The following HS3ST4 variants were observed in gnomAD, a reference collection of about 807,000 sequenced individuals.
HS3ST4 encodes heparan sulfate glucosamine 3-O-sulfotransferase 4.
In HS3ST4, 17 loss-of-function variants were observed where a neutral mutation model predicts 29.2. That is an observed-to-expected ratio of 0.58 (90% confidence interval 0.40 to 0.87). The LOEUF (loss-of-function observed/expected upper bound fraction) is 0.87. Among genes scored for constraint, HS3ST4 ranks in the 40% least tolerant of loss-of-function variants. The probability of loss-of-function intolerance (pLI) is 0.00; values close to 1 mark genes in which losing one functional copy is unlikely to be tolerated. For synonymous variants in HS3ST4, 314 were observed against 285.7 expected (o/e 1.10, Z -1.00); for missense variants, 627 against 634.5 (o/e 0.99, Z 0.13).
intron 1 of HS3ST4, among the ~76,000 whole-genome samples, chr16:25,879,287 C>A (rs1454216768): frequency 6.6e-6 from 1 of 152,138 alleles, no homozygotes; most frequent in Non-Finnish European, 1.5e-5. Flanking sequence ...TCACTTAATC[C>A]TTTCAACAAA....
At position 25,692,457 on chromosome 16, in the gene HS3ST4, C is replaced by T; in HGVS notation, c.40C>T (p.Pro14Ser). ...CGCACCTCCTCCGCCTCCGCCTCCGCCTCCACCTCTGGCCGCGCCGCCGCC... is the reference window on the plus strand; with the variant it reads ...CGCACCTCCTCCGCCTCCGCCTCCGTCTCCACCTCTGGCCGCGCCGCCGCC... ...WPAPPPPPPP[P>S]PPLAAPPPPG... Residue 14 changes from proline (P) to serine (S), a missense_variant, in exon 1 of 2, where the codon CCT becomes TCT. Around this residue, in one of 2 missense-constraint regions of HS3ST4, gnomAD observed 402 missense variants for 340.8 expected, o/e 1.18. Coordinates refer to ENST00000331351, the MANE Select transcript of HS3ST4 (RefSeq NM_006040.3). 4.5e-6 allele frequency: 6 copies of T among 1,328,790 alleles called. No homozygotes were observed. The highest frequency in any genetic ancestry group is 5.8e-6 in the Non-Finnish European group (6 of 1,026,696). The allele number at this position is 1,328,790 out of a possible 1,614,324, so 82.3% of individuals were successfully genotyped here. A position where few individuals can be genotyped will look rare whatever the true frequency, so the allele number is the denominator to read the frequency against.
chr16:25,762,720 A>G (rs1056533674), intron 1 of HS3ST4, among the ~76,000 whole-genome samples: 2 of 151,128 alleles, frequency 1.3e-5, no homozygotes, highest in African/African-American at 4.9e-5. Context: ...AAACAAACAA[A>G]CAAACAAACA....
chr16:25,733,125 G>C (rs1329572275), intron 1 of HS3ST4, among the ~76,000 whole-genome samples: 1 of 152,202 alleles, frequency 6.6e-6, no homozygotes, highest in Non-Finnish European at 1.5e-5. Context: ...GGGATGCAGA[G>C]AAATGCAGAC....
At chr16:26,073,804 G>A in intron 1 of HS3ST4, among the ~76,000 whole-genome samples, 1 of 152,140 alleles carries the variant, frequency 6.6e-6, no homozygotes, top group South Asian at 2.1e-4. Flanking sequence ...TTTGAATTTG[G>A]TTTCTGACAG....
chr16:25,899,270 G>A (rs1968099052), intron 1 of HS3ST4, among the ~76,000 whole-genome samples: 1 of 152,196 alleles, frequency 6.6e-6, no homozygotes, highest in African/African-American at 2.4e-5. Flanking sequence ...CAATATAAAT[G>A]TTCCCCCCAT....
chr16:25,961,633 C>T (rs1159293518), intron 1 of HS3ST4, among the ~76,000 whole-genome samples: 2 of 152,068 alleles, frequency 1.3e-5, no homozygotes, highest in South Asian at 2.1e-4. Flanking sequence ...AACAGTGTGT[C>T]GGAGGGTAAC....
chr16:25,942,958 T>C (rs1457567364), intron 1 of HS3ST4, among the ~76,000 whole-genome samples: 1 of 152,150 alleles, frequency 6.6e-6, no homozygotes, highest in Non-Finnish European at 1.5e-5. Context: ...CTGTAGTACC[T>C]GGAGAGTGTT....
At chr16:26,128,336 C>G (rs1899373890) in intron 1 of HS3ST4, among the ~76,000 whole-genome samples, 1 of 152,212 alleles carries the variant, frequency 6.6e-6, no homozygotes. Context: ...AGCACCAATA[C>G]ATACTCAGTG....
chr16:26,024,609 G>A (rs1969448858), intron 1 of HS3ST4, among the ~76,000 whole-genome samples: 1 of 152,022 alleles, frequency 6.6e-6, no homozygotes, highest in African/African-American at 2.4e-5. Context: ...GTAGGTGCCT[G>A]TAATCCCAGC....
At chr16:26,077,229 G>A (rs1465421937) in intron 1 of HS3ST4, among the ~76,000 whole-genome samples, 1 of 152,182 alleles carries the variant, frequency 6.6e-6, no homozygotes, top group Admixed American at 6.5e-5. Context: ...AGGCCATTTA[G>A]GGCCCAGGGT....
intron 1 of HS3ST4, among the ~76,000 whole-genome samples, chr16:25,991,970 G>A (rs976192497): frequency 5.9e-5 from 9 of 152,332 alleles, no homozygotes; most frequent in East Asian, 1.9e-4. Context: ...ATAGTGAGCC[G>A]AGATGGCACC....
At chr16:25,723,840 G>A (rs1301525293) in intron 1 of HS3ST4, among the ~76,000 whole-genome samples, 1 of 152,202 alleles carries the variant, frequency 6.6e-6, no homozygotes, top group East Asian at 1.9e-4. Flanking sequence ...CTGGCTGGGT[G>A]CAGTGGCTCA....
At chr16:25,765,436 G>T (rs1247275170) in intron 1 of HS3ST4, among the ~76,000 whole-genome samples, 1 of 152,184 alleles carries the variant, frequency 6.6e-6, no homozygotes, top group Non-Finnish European at 1.5e-5. Flanking sequence ...TTCAGAATGG[G>T]TTTAGAGCTG....
chr16:25,923,303 G>T (rs1968372525), intron 1 of HS3ST4, among the ~76,000 whole-genome samples: 1 of 152,178 alleles, frequency 6.6e-6, no homozygotes, highest in African/African-American at 2.4e-5. Context: ...GCTATACTTT[G>T]TATTAAACAA....
intron 1 of HS3ST4, among the ~76,000 whole-genome samples, chr16:26,101,731 C>A (rs958938615): frequency 2.6e-5 from 4 of 152,206 alleles, no homozygotes; most frequent in Non-Finnish European, 2.9e-5. Flanking sequence ...CTTTTTCCAT[C>A]CATCTGGAAT....
chr16:26,136,172 A>G lies in HS3ST4; in HGVS notation c.1295A>G (p.Tyr432Cys). 1 of 1,613,396 alleles carries G rather than the reference A, an allele frequency of 6.2e-7. No individual in the cohort carries two copies. The highest frequency in any genetic ancestry group is 8.5e-7 in the Non-Finnish European group (1 of 1,179,674). ...GTCATCCACAGACTGAGGAAATTCT[A>G]CAAACCCTTCAACTTGATGTTTTAC... ...PDVIHRLRKF[Y>C]KPFNLMFYQM... The change falls in exon 2 of 2, where the codon TAC (tyrosine) becomes TGC (cysteine). Residue 432 changes from tyrosine (Y) to cysteine (C), a missense_variant. Transcript: ENST00000331351.
At chr16:25,917,268 A>C (rs1040061633) in intron 1 of HS3ST4, among the ~76,000 whole-genome samples, 2 of 152,072 alleles carry the variant, frequency 1.3e-5, no homozygotes, top group Non-Finnish European at 2.9e-5. Flanking sequence ...GCCGGAGTGC[A>C]GTGTCATGAT....
chr16:25,759,861 G>A (rs764634709), intron 1 of HS3ST4, among the ~76,000 whole-genome samples: 2 of 152,056 alleles, frequency 1.3e-5, no homozygotes, highest in African/African-American at 4.8e-5. Flanking sequence ...CTACACTCCA[G>A]CCTGGGTGAC....
intron 1 of HS3ST4, among the ~76,000 whole-genome samples, chr16:25,741,802 G>T (rs1424379640): frequency 6.6e-6 from 1 of 152,058 alleles, no homozygotes; most frequent in Admixed American, 6.6e-5. Context: ...TACCAGTAAG[G>T]ACACCAAGGC....
Sources: allele counts gnomAD v4.1 joint callset (sites outside exome capture counted in the v4.1 genomes callset), GRCh38; gene constraint gnomAD v4.1.1; regional missense constraint gnomAD v4.1.1; transcripts MANE v1.5; gene names NCBI Gene and HGNC (gene_info 2026-07-23, HGNC 2026-07-21).